Variants in ZNF219 observed in about 807,000 individuals in gnomAD.
ZNF219 encodes the protein zinc finger protein 219.
In ZNF219, 17 loss-of-function variants were observed where a neutral mutation model predicts 54.4. The observed-to-expected ratio is 0.31, with a 90% confidence interval of 0.21 to 0.47. ZNF219 has a LOEUF of 0.47. Ranked by LOEUF, ZNF219 falls within the 20% of genes least tolerant of loss-of-function variation. ZNF219 has a pLI of 1.00. For missense variants in ZNF219, 1,014 were observed against 1,062.3 expected, an observed-to-expected ratio of 0.95 and a Z score of 0.63; for synonymous variants, 518 against 476.4, an observed-to-expected ratio of 1.09 and a Z score of -1.14.
At chr14:21,101,228 T>C (rs1889605060), upstream of ZNF219, 1 of 901,800 alleles carries the variant, frequency 1.1e-6, no homozygotes, top group East Asian at 2.8e-5. Flanking sequence ...ATATTGGGAG[T>C]GGGCAGAGGT....
Position 21,093,457 on chromosome 14 carries a change from A to G in ZNF219, c.6+129T>C, listed in dbSNP as rs1406087265. On this transcript the variant is annotated intron_variant, in intron 2 of 4. Coordinates refer to ENST00000360947, the MANE Select transcript of ZNF219 (RefSeq NM_016423.3). ...GGGAAGATGGGGTGGGGGGAGGTGT[A>G]TGGGAATCGAGATGTCAGGGCCAAG... 5 of 1,427,368 alleles carry G rather than the reference A, an allele frequency of 3.5e-6. No homozygotes were observed. In the African/African-American group the frequency reaches 7.1e-5, roughly 20 times the overall value. 88.4% of individuals were successfully genotyped at this position (1,427,368 alleles called of 1,614,324 possible).
At chr14:21,101,951 G>A (rs370554010), upstream of ZNF219, 23 of 1,551,514 alleles carry the variant, frequency 1.5e-5, no homozygotes, top group East Asian at 7.3e-5. Flanking sequence ...TGGCCACAGC[G>A]CTGCCTCTTG....
chr14:21,101,313 G>A (rs774532708), upstream of ZNF219: 4 of 1,547,864 alleles, frequency 2.6e-6, no homozygotes, highest in South Asian at 4.8e-5. Flanking sequence ...CCCAGCCTAG[G>A]AAGCACCTAA....
rs747976313 is a variant in ZNF219, at chr14:21,092,247, G to A, written c.1050C>T (p.Gly350=). Residue 350 remains glycine, a synonymous_variant, in exon 3 of 5, where the codon GGC becomes GGT. Coordinates refer to ENST00000360947, the MANE Select transcript of ZNF219 (RefSeq NM_016423.3). The part of the protein sequence containing the change: ...PARAPQPPDL[G]LLAYEPLGPA... ...GGCCCAACGGCTCATAGGCCAGCAG[G>A]CCGAGGTCAGGAGGCTGGGGGGCGC... 771 of 1,461,946 alleles carry A rather than the reference G, an allele frequency of 5.3e-4. 4 individuals are homozygous for A. The Middle Eastern group carries it at 6.7e-3, about 13-fold the overall frequency. 90.6% of individuals were successfully genotyped at this position (1,461,946 alleles called of 1,614,324 possible). A position where few individuals can be genotyped will look rare whatever the true frequency, so the allele number is the denominator to read the frequency against.
chr14:21,096,631 A>T (rs1286745424), intron 1 of ZNF219, among the ~76,000 whole-genome samples: 1 of 152,236 alleles, frequency 6.6e-6, no homozygotes, highest in Non-Finnish European at 1.5e-5. Context: ...ATCAGGGGTT[A>T]TCTTGCCCTT....
intron 1 of ZNF219, 51 bp from the exon 2 acceptor site, chr14:21,093,725 G>GT: frequency 6.6e-7 from 1 of 1,516,580 alleles, no homozygotes; most frequent in Admixed American, 1.8e-5. Context: ...GTTTTCAGCA[G>GT]TAAAGTCACT....
chr14:21,099,064 C>A (rs1889485353), upstream of ZNF219: 4 of 296,460 alleles, frequency 1.3e-5, no homozygotes, highest in Non-Finnish European at 2.7e-5. Flanking sequence ...TTCCTCAAGT[C>A]ACTTTAATGG....
rs1889433157 is a variant in ZNF219 at position 21,098,435 on chromosome 14, C to CGCCCCCGGCCCG, written c.-219_-208dup. The CGCCCCCGGCCCG allele has an allele frequency of 1.5e-6, 1 of 683,736 alleles. No homozygotes were observed. The highest frequency in any genetic ancestry group is 1.8e-6 in the Non-Finnish European group (1 of 559,694). 42.4% of individuals were successfully genotyped at this position (683,736 alleles called of 1,614,324 possible). ...GAGATGCGCCGGGCCCCGGCCCCCC[C>CGCCCCCGGCCCG]GCCCCCGGCCCGGCCCCCGCCCCCT... On this transcript the variant is annotated 5_prime_UTR_variant, in exon 1 of 5. Transcript: ENST00000360947.
chr14:21,091,591 A>G (rs1027307018), intron 3 of ZNF219, 49 bp from the exon 4 acceptor site: 2 of 1,561,988 alleles, frequency 1.3e-6, no homozygotes, highest in South Asian at 1.2e-5. Flanking sequence ...CACCCTGTCC[A>G]GGTGCCGCGC....
rs1211029464 is a variant in ZNF219, at chr14:21,092,791, T to C, written c.506A>G (p.Lys169Arg). The C allele has an allele frequency of 6.3e-7, 1 of 1,583,092 alleles. No homozygotes were observed. The highest frequency in any genetic ancestry group is 1.8e-5 in the Admixed American group (1 of 56,766). Residue 169 changes from lysine to arginine, a missense_variant, in exon 3 of 5, where the codon AAA (lysine) becomes AGA (arginine). Lys to Arg is a conservative substitution (Grantham distance 26, BLOSUM62 2). Coordinates refer to ENST00000360947, the MANE Select transcript of ZNF219 (RefSeq NM_016423.3). ...SSSAFRCPYC[K>R]GKFRTSAERE... ...CTCCGCCGAGGTGCGAAACTTGCCT[T>C]TGCAGTAGGGGCAACGGAAGGCGGA... is the stretch of plus-strand genomic sequence containing the variant.
intron 4 of ZNF219, 70 bp downstream of exon 4, chr14:21,091,341 G>A: frequency 6.5e-7 from 1 of 1,546,752 alleles, no homozygotes; most frequent in East Asian, 2.3e-5. Flanking sequence ...TCACCTCCTA[G>A]TGTTTCGGTA....
chr14:21,104,585 C>A (rs778973583), exon 1 of ZNF219: 2 of 152,290 alleles, frequency 1.3e-5, no homozygotes, highest in African/African-American at 2.4e-5. Context: ...AGGCTTCTTT[C>A]CCTAGAGAAT....
At chr14:21,094,969 T>C (rs955147778) in intron 1 of ZNF219, among the ~76,000 whole-genome samples, 4 of 149,586 alleles carry the variant, frequency 2.7e-5, no homozygotes, top group Non-Finnish European at 4.4e-5. Context: ...TTCCTTACAA[T>C]AGGCATCACA....
At chr14:21,097,763 C>T (rs1256565697) in intron 1 of ZNF219, among the ~76,000 whole-genome samples, 1 of 152,134 alleles carries the variant, frequency 6.6e-6, no homozygotes, top group Non-Finnish European at 1.5e-5. Context: ...CTGCCGCGGG[C>T]CGAGCTCTTT....
Position 21,093,099 on chromosome 14 carries a change from G to C in ZNF219, c.198C>G (p.Phe66Leu). The C allele has an allele frequency of 6.2e-7, 1 of 1,607,746 alleles. No individual in the cohort carries two copies. The highest frequency in any genetic ancestry group is 8.5e-7 in the Non-Finnish European group (1 of 1,178,316). ...GCAAAGCAAGGATAGAGTTGAAGCG[G>C]AAGCGCTTCCCGCATACAGGGCAGG... ...RFPCPVCGKR[F>L]RFNSILALHL... Residue 66 changes from phenylalanine to leucine, a missense_variant, in exon 3 of 5, where the codon TTC becomes TTG. Phe to Leu is a conservative substitution (Grantham distance 22). Coordinates refer to ENST00000360947, the MANE Select transcript of ZNF219 (RefSeq NM_016423.3).
At chr14:21,091,282 G>T in intron 4 of ZNF219, 129 bp downstream of exon 4, 1 of 1,508,724 alleles carries the variant, frequency 6.6e-7, no homozygotes, top group Non-Finnish European at 8.9e-7. Context: ...ATAAAGGAGC[G>T]TTTCCCAAGT....
chr14:21,095,091 A>G (rs547278464), intron 1 of ZNF219, among the ~76,000 whole-genome samples: 4 of 152,316 alleles, frequency 2.6e-5, no homozygotes, highest in Admixed American at 2.6e-4. Flanking sequence ...CAGAGAGAAA[A>G]GGCTCTGGAG....
chr14:21,092,937 C>A lies in ZNF219; in HGVS notation c.360G>T (p.Leu120Phe), dbSNP rs1374988802. 2.3e-5 allele frequency: 36 copies of A among 1,572,094 alleles called. No homozygotes were observed. The highest frequency in any genetic ancestry group is 3.0e-5 in the Non-Finnish European group (35 of 1,160,658). ...GTAGCGCGCGCTCTTCCAACTCCAG[C>A]AACAGGCGTGCAGCAGGACTACGTG... ...ERPRSPAARLLLELEERALLR... is the reference protein window; with the variant it reads ...ERPRSPAARLFLELEERALLR... The change falls in exon 3 of 5, where the codon TTG becomes TTT. Residue 120 changes from leucine to phenylalanine, a missense_variant. Leu to Phe is a conservative substitution (Grantham distance 22). Transcript: ENST00000360947.
chr14:21,091,686 T>C (rs1888887241), intron 3 of ZNF219, 144 bp from the exon 4 acceptor site: 2 of 1,462,304 alleles, frequency 1.4e-6, no homozygotes. Flanking sequence ...TTGTTGTGAC[T>C]AAAGAGTTAA....
Sources: allele counts gnomAD v4.1 joint callset (sites outside exome capture counted in the v4.1 genomes callset), GRCh38; gene constraint gnomAD v4.1.1; transcripts MANE v1.5; gene names NCBI Gene and HGNC (gene_info 2026-07-23, HGNC 2026-07-21).